PDZRN4: variants seen among roughly 807,000 people sequenced by gnomAD.
PDZRN4 encodes the protein PDZ domain-containing RING finger protein 4.
Under a neutral mutation model 99.0 loss-of-function variants are expected in PDZRN4, and 70 were observed. That is an observed-to-expected ratio of 0.71 (90% CI 0.58 to 0.86). The LOEUF (loss-of-function observed/expected upper bound fraction) is 0.86. Among genes scored for constraint, PDZRN4 ranks in the 40% least tolerant of loss-of-function variants. The probability of loss-of-function intolerance (pLI) is 0.00; values close to 1 mark genes in which losing one functional copy is unlikely to be tolerated. For missense variants in PDZRN4, 1,474 were observed against 1,331.2 expected (o/e 1.11, Z -1.67); for synonymous variants, 551 against 501.6 (o/e 1.10, Z -1.32).
intron 3 of PDZRN4, among the ~76,000 whole-genome samples, chr12:41,243,244 T>A (rs886590802): frequency 4.6e-5 from 7 of 152,180 alleles, no homozygotes; most frequent in Non-Finnish European, 1.0e-4. Flanking sequence ...ATAGTCAAGG[T>A]CAGACTTCTC....
intron 3 of PDZRN4, among the ~76,000 whole-genome samples, chr12:41,433,165 T>C (rs561766093): frequency 7.2e-5 from 11 of 152,370 alleles, no homozygotes; most frequent in African/African-American, 2.4e-4. Context: ...TTAAGCTACA[T>C]CTGTCTTTGA....
intron 5 of PDZRN4, among the ~76,000 whole-genome samples, chr12:41,540,841 C>G (rs1032575594): frequency 6.6e-6 from 1 of 150,702 alleles, no homozygotes. Flanking sequence ...TGCAGCCCTA[C>G]AGCCCCAAGG....
At chr12:41,531,267 G>A (rs1375276994) in intron 5 of PDZRN4, among the ~76,000 whole-genome samples, 1 of 152,130 alleles carries the variant, frequency 6.6e-6, no homozygotes, top group Non-Finnish European at 1.5e-5. Context: ...TTCCCTCGGA[G>A]TAGGGCCACT....
rs1189332536 is a variant in PDZRN4 at position 41,188,955 on chromosome 12, G to A, written c.500G>A (p.Trp167Ter). The A allele has an allele frequency of 7.5e-6, 11 of 1,458,000 alleles. No individual in the cohort carries two copies. Among genetic ancestry groups the A allele is most frequent in the Non-Finnish European group, 9.9e-6 (11 of 1,106,086 alleles). 90.3% of individuals were successfully genotyped at this position (1,458,000 alleles called of 1,614,324 possible). ...GGACCCGGGCCTCGGGTCCTCGCCT[G>A]GAGGCGGCGCGAGAAGGCGCTGCTG... The part of the protein sequence containing the change: ...GRGPGPRVLA[W>*]RRREKALLAQ... The change falls in exon 1 of 10, where the codon TGG (tryptophan) becomes TAG (stop). Residue 167 changes from tryptophan to a stop codon, truncating the protein, a stop_gained. Coordinates refer to ENST00000402685, the MANE Select transcript of PDZRN4 (RefSeq NM_001164595.2). LOFTEE classifies it high-confidence loss of function.
At chr12:41,286,134 T>G (rs879844475) in intron 3 of PDZRN4, among the ~76,000 whole-genome samples, 2 of 151,944 alleles carry the variant, frequency 1.3e-5, no homozygotes, top group Non-Finnish European at 2.9e-5. Context: ...AGATCAAGAG[T>G]TGTCACACTA....
chr12:41,230,970 A>G (rs1196984930), intron 3 of PDZRN4, among the ~76,000 whole-genome samples: 1 of 152,120 alleles, frequency 6.6e-6, no homozygotes, highest in East Asian at 1.9e-4. Context: ...TGAATCTGCC[A>G]TGGTAGGATT....
chr12:41,499,133 G>A (rs1938065389), intron 3 of PDZRN4, among the ~76,000 whole-genome samples: 1 of 152,058 alleles, frequency 6.6e-6, no homozygotes, highest in Non-Finnish European at 1.5e-5. Context: ...AGGATTGTGA[G>A]CAGAGCCAAG....
intron 3 of PDZRN4, among the ~76,000 whole-genome samples, chr12:41,475,893 C>T (rs2120583442): frequency 6.6e-6 from 1 of 152,252 alleles, no homozygotes; most frequent in Non-Finnish European, 1.5e-5. Context: ...GTTGTCTGTA[C>T]CATTTTTTGG....
At chr12:41,450,785 G>A (rs1372845339) in intron 3 of PDZRN4, among the ~76,000 whole-genome samples, 1 of 152,018 alleles carries the variant, frequency 6.6e-6, no homozygotes, top group African/African-American at 2.4e-5. Context: ...GAAATTAACC[G>A]AGCTTGGTGG....
At chr12:41,259,869 A>T (rs2120828228) in intron 3 of PDZRN4, among the ~76,000 whole-genome samples, 1 of 152,246 alleles carries the variant, frequency 6.6e-6, no homozygotes, top group Admixed American at 6.5e-5. Context: ...TTTATTTTGC[A>T]AGCAAATCTA....
rs763260253 is a variant in PDZRN4, at chr12:41,188,998, G to T, written c.543G>T (p.Leu181=). The T allele has an allele frequency of 6.5e-7, 1 of 1,542,036 alleles. No individual in the cohort carries two copies. Among genetic ancestry groups the T allele is most frequent in the South Asian group, 1.2e-5 (1 of 84,558 alleles). ...EKALLAQLWA[L]QGEVQLTARR... ...CGCTGCTGGCGCAGCTCTGGGCGCT[G>T]CAGGGCGAGGTGCAGCTCACGGCGC... The change falls in exon 1 of 10, where the codon CTG becomes CTT. Residue 181 remains leucine, a synonymous_variant. Coordinates refer to ENST00000402685, the MANE Select transcript of PDZRN4 (RefSeq NM_001164595.2).
intron 3 of PDZRN4, among the ~76,000 whole-genome samples, chr12:41,457,036 A>T (rs563051191): frequency 2.3e-4 from 35 of 152,290 alleles, no homozygotes; most frequent in Non-Finnish European, 3.8e-4. Flanking sequence ...ATGAGCCTTT[A>T]TCTGTGCTAA....
Position 41,298,113 on chromosome 12 carries a change from T to C in PDZRN4, c.843+103925T>C, listed in dbSNP as rs1951508055. ...CTAGTCTAAACCTATGTTTTAATCT[T>C]TAATGATCATTTTTATATTATAGAA... is the stretch of plus-strand genomic sequence containing the variant. On this transcript the variant is annotated intron_variant, in intron 3 of 9. Coordinates refer to ENST00000402685, the MANE Select transcript of PDZRN4 (RefSeq NM_001164595.2). Among the ~76,000 whole-genome samples the C allele has an allele frequency of 1.3e-5, 2 of 152,178 alleles. 1 individual carries two copies. Among genetic ancestry groups the C allele is most frequent in the Admixed American group, 1.3e-4 (2 of 15,266 alleles).
intron 5 of PDZRN4, among the ~76,000 whole-genome samples, chr12:41,519,760 C>T (rs1156876360): frequency 6.6e-6 from 1 of 151,992 alleles, no homozygotes; most frequent in African/African-American, 2.4e-5. Context: ...TGCGTTTTAC[C>T]TCTTAGTAGA....
rs1225400843 is a variant in PDZRN4, at chr12:41,188,895, GGGGGCCGCCGGGCGGCCGCT to G, written c.449_468del (p.Pro150ArgfsTer65). On this transcript the variant is annotated frameshift_variant, in exon 1 of 10. Transcript: ENST00000402685. LOFTEE classifies it high-confidence loss of function. The stretch of plus-strand genomic sequence containing the variant: ...GCTGGCCGGGGCGGGGGCGCGCGCG[GGGGGCCGCCGGGCGGCCGCT>G]GGGGCCGCGGGCGGGGACCCGGGCC... 2.0e-5 allele frequency: 22 copies of G among 1,089,468 alleles called. No homozygotes were observed. The highest frequency in any genetic ancestry group is 4.3e-5 in the South Asian group (1 of 23,146). 67.5% of individuals were successfully genotyped at this position (1,089,468 alleles called of 1,614,324 possible).
intron 3 of PDZRN4, among the ~76,000 whole-genome samples, chr12:41,449,436 G>A (rs1952756457): frequency 6.6e-6 from 1 of 152,146 alleles, no homozygotes; most frequent in Non-Finnish European, 1.5e-5. Flanking sequence ...AAAGGTGCAT[G>A]ACTAAATACT....
intron 3 of PDZRN4, among the ~76,000 whole-genome samples, chr12:41,428,030 G>A (rs1171914877): frequency 6.6e-6 from 1 of 152,122 alleles, no homozygotes; most frequent in Non-Finnish European, 1.5e-5. Flanking sequence ...AGAGGTTGTG[G>A]TGAGCCAAGA....
At chr12:41,497,980 CT>C (rs142589196) in intron 3 of PDZRN4, among the ~76,000 whole-genome samples, 2,497 of 151,732 alleles carry the variant, frequency 0.016, 60 homozygotes, top group African/African-American at 0.052. Flanking sequence ...TATTATGAAA[CT>C]TTTTTTTCAG....
rs1407261181 is a variant in PDZRN4 at position 41,509,854 on chromosome 12, A to G, written c.1144A>G (p.Asn382Asp). 3 of 1,603,880 alleles carry G rather than the reference A, an allele frequency of 1.9e-6. No individual in the cohort carries two copies. The highest frequency in any genetic ancestry group is 2.2e-5 in the South Asian group (2 of 90,232). The change falls in exon 5 of 10, where the codon AAT (asparagine) becomes GAT (aspartate). Residue 382 changes from asparagine (N) to aspartate (D), a missense_variant. Asn to Asp is a conservative substitution (Grantham distance 23). Transcript: ENST00000402685. ...AATGGAGCATGAATTTTATGAGGAC[A>G]ATGAGTATATTTCCAGCTTGCCTGC... ...HPMEHEFYED[N>D]EYISSLPADA...
Sources: gnomAD v4.1 joint callset for allele counts (sites outside exome capture counted in the v4.1 genomes callset) on GRCh38, gnomAD v4.1.1 for gene constraint, MANE v1.5 for transcripts, NCBI Gene and HGNC (gene_info 2026-07-23, HGNC 2026-07-21) for gene names.